The following ADPRHL1 variants were observed in gnomAD, a reference collection of about 807,000 sequenced individuals.
ADPRHL1 encodes inactive ADP-ribosyltransferase ARH2.
In ADPRHL1, 43 loss-of-function variants were observed where a neutral mutation model predicts 44.1. The ratio of observed to expected loss-of-function variants is 0.98; its 90% CI spans 0.76 to 1.26. The LOEUF (loss-of-function observed/expected upper bound fraction) is 1.26. Among genes scored for constraint, ADPRHL1 ranks in the 50% most tolerant of loss-of-function variants. The pLI, the probability that ADPRHL1 is intolerant of heterozygous loss-of-function variation, is 0.00. For missense variants in ADPRHL1, 2,022 were observed against 2,496.9 expected (o/e 0.81, Z 4.05); for synonymous variants, 878 against 1,017.4 (o/e 0.86, Z 2.61).
chr13:113,453,064 G>A lies in ADPRHL1; in HGVS notation c.214+160C>T, dbSNP rs1045626720. Among the ~76,000 whole-genome samples the A allele has an allele frequency of 3.3e-5, 5 of 152,124 alleles. No homozygotes were observed. The highest frequency in any genetic ancestry group is 1.2e-4 in the African/African-American group (5 of 41,414). On this transcript the variant is annotated intron_variant, in intron 1 of 7. Transcript: ENST00000612156. The surrounding 1 kb of genome is among the most constrained non-coding windows in gnomAD (Gnocchi z 5.4). ...TGATCTGCCGCATATCAAATTTGAGGGACACTCAGATTAAATTGCCACTTT... is the reference window on the plus strand; with the variant it reads ...TGATCTGCCGCATATCAAATTTGAGAGACACTCAGATTAAATTGCCACTTT...
intron 1 of ADPRHL1, among the ~76,000 whole-genome samples, chr13:113,452,390 T>C (rs139079558): frequency 3.1e-4 from 47 of 152,344 alleles, no homozygotes; most frequent in African/African-American, 1.1e-3. Flanking sequence ...GGCACGTCCA[T>C]GGCAGATGAA....
At chr13:113,437,504 G>A (rs934289102) in intron 2 of ADPRHL1, among the ~76,000 whole-genome samples, 7 of 152,220 alleles carry the variant, frequency 4.6e-5, no homozygotes, top group African/African-American at 1.7e-4. Context: ...CCACTGCTGC[G>A]ACCGTGCGTG....
chr13:113,408,085 G>A lies in ADPRHL1; in HGVS notation c.1197C>T (p.Arg399=), dbSNP rs969405629. Residue 399 remains arginine, a synonymous_variant, in exon 8 of 8, where the codon CGC becomes CGT. Coordinates refer to ENST00000612156, the MANE Select transcript of ADPRHL1 (RefSeq NM_001394807.1). ...CCTCTGTCCCCGGGGGCCGGTCTGC[G>A]CGGCCCGTGACGTAGAGCAGCAGGC... ...LSSLLLYVTG[R]ADRPPGTEAG... is the part of the protein sequence containing the mutation. 1.1e-5 allele frequency: 13 copies of A among 1,231,932 alleles called. No individual in the cohort carries two copies. In the East Asian group the frequency reaches 1.3e-4, roughly 12 times the overall value. The allele number at this position is 1,231,932 out of a possible 1,614,324, so 76.3% of individuals were successfully genotyped here. A position where few individuals can be genotyped will look rare whatever the true frequency, so the allele number is the denominator to read the frequency against.
At chr13:113,422,410 C>A (rs1173054827) in intron 7 of ADPRHL1, 1 of 178,160 alleles carries the variant, frequency 5.6e-6, no homozygotes, top group Non-Finnish European at 1.2e-5. Flanking sequence ...GAAACGCATG[C>A]CTGGAGGCAG....
At chr13:113,417,416 G>A (rs1566469550) in intron 7 of ADPRHL1, among the ~76,000 whole-genome samples, 2 of 152,252 alleles carry the variant, frequency 1.3e-5, no homozygotes, top group African/African-American at 4.8e-5. Context: ...CCTGGGGACC[G>A]CCCCTGTGGC....
chr13:113,428,300 A>G (rs1175194789), intron 4 of ADPRHL1, among the ~76,000 whole-genome samples: 1 of 152,098 alleles, frequency 6.6e-6, no homozygotes, highest in Admixed American at 6.5e-5. Context: ...AAAAATAAGC[A>G]AACCTGATCC....
rs1473233951 is a variant in ADPRHL1, at chr13:113,405,496, T to C, written c.3786A>G (p.Gly1262=). ...GNLLGFSTES[G]IPASDHPRPQ... ...GCCTAGGATGATCAGAAGCAGGAAT[T>C]CCAGACTCTGTGCTGAAACCCAAAA... The change falls in exon 8 of 8, where the codon GGA becomes GGG. Residue 1262 remains glycine (G), a synonymous_variant. Transcript: ENST00000612156. 1.6e-6 allele frequency: 2 copies of C among 1,231,982 alleles called. No homozygotes were observed. The highest frequency in any genetic ancestry group is 6.3e-5 in the East Asian group (2 of 31,706). The allele number at this position is 1,231,982 out of a possible 1,614,324, so 76.3% of individuals were successfully genotyped here. A position where few individuals can be genotyped will look rare whatever the true frequency, so the allele number is the denominator to read the frequency against.
chr13:113,429,126 ACCTGGGCCGCTTGGGAGGG>A (rs758943911), intron 3 of ADPRHL1, 34 bp from the exon 4 acceptor site: 2 of 1,586,732 alleles, frequency 1.3e-6, no homozygotes, highest in African/African-American at 2.7e-5. Flanking sequence ...GGGCACCATC[ACCTGGGCCGCTTGGGAGGG>A]CCTGGGGCCG....
chr13:113,427,615 C>T (rs1416439085), intron 4 of ADPRHL1, among the ~76,000 whole-genome samples: 1 of 151,834 alleles, frequency 6.6e-6, no homozygotes, highest in African/African-American at 2.4e-5. Context: ...CACACTGCAA[C>T]CTCCGCTTAG....
chr13:113,411,344 C>T (rs1243508169), intron 7 of ADPRHL1, among the ~76,000 whole-genome samples: 4 of 151,978 alleles, frequency 2.6e-5, no homozygotes, highest in African/African-American at 7.3e-5. Context: ...AGCCCCTTGT[C>T]GAGGCTGAGC....
chr13:113,447,488 C>T (rs1269380113), intron 1 of ADPRHL1, among the ~76,000 whole-genome samples: 2 of 151,102 alleles, frequency 1.3e-5, no homozygotes, highest in Admixed American at 1.3e-4. Context: ...GTTGTGTGTG[C>T]ATGGTGTCTA....
chr13:113,418,882 A>G (rs1246132523), intron 7 of ADPRHL1, among the ~76,000 whole-genome samples: 1 of 151,580 alleles, frequency 6.6e-6, no homozygotes, highest in Non-Finnish European at 1.5e-5. Flanking sequence ...AGAGATGCGG[A>G]TCCACAGGGA....
At position 113,402,713 on chromosome 13, in the gene ADPRHL1, G is replaced by T. The variant is rs1018649; in HGVS notation, c.*665C>A. ...GAACTTAACGTGGGCATTTCCTGAGGCCTCTTCCTCCGGATGAGCTGGTTT... is the reference window on the plus strand; with the variant it reads ...GAACTTAACGTGGGCATTTCCTGAGTCCTCTTCCTCCGGATGAGCTGGTTT... On this transcript the variant is annotated 3_prime_UTR_variant, in exon 8 of 8. Coordinates refer to ENST00000612156, the MANE Select transcript of ADPRHL1 (RefSeq NM_001394807.1). The T allele has an allele frequency of 0.23, 35,777 of 152,320 alleles. 4,736 individuals carry two copies. The highest frequency in any genetic ancestry group is 0.35 in the African/African-American group (14,310 of 41,466). 9.4% of individuals were successfully genotyped at this position (152,320 alleles called of 1,614,324 possible).
intron 4 of ADPRHL1, among the ~76,000 whole-genome samples, chr13:113,425,900 C>T (rs747849648): frequency 1.3e-4 from 20 of 151,996 alleles, no homozygotes; most frequent in Non-Finnish European, 1.8e-4. Flanking sequence ...GGGCTGGTCT[C>T]GAATTCCTGA....
At chr13:113,411,753 C>T (rs976679858) in intron 7 of ADPRHL1, among the ~76,000 whole-genome samples, 2 of 152,222 alleles carry the variant, frequency 1.3e-5, no homozygotes, top group African/African-American at 4.8e-5. Flanking sequence ...CTGTGGCTGT[C>T]GGAGGCGTCC....
At chr13:113,419,280 ATTTTT>A (rs33995150) in intron 7 of ADPRHL1, among the ~76,000 whole-genome samples, 5 of 106,508 alleles carry the variant, frequency 4.7e-5, no homozygotes, top group South Asian at 3.0e-4. Context: ...TAATTTTTGT[ATTTTT>A]TTTTTTTTTT....
rs78042477 is a variant in ADPRHL1 at position 113,419,554 on chromosome 13, G to A, written c.1061+3272C>T. On this transcript the variant is annotated intron_variant, in intron 7 of 7. Transcript: ENST00000612156. ...GAATCCTAGAATGAAATACAGCATC[G>A]CTGCGCTGTAGGGAGAGACTAAGTC... 6.9e-3 allele frequency among the ~76,000 whole-genome samples: 1,044 copies of A among 152,148 alleles called. 10 individuals are homozygous for A. Among genetic ancestry groups the A allele is most frequent in the African/African-American group, 0.024 (981 of 41,512 alleles).
chr13:113,436,267 CA>C, intron 2 of ADPRHL1, among the ~76,000 whole-genome samples: 1 of 146,562 alleles, frequency 6.8e-6, no homozygotes, highest in East Asian at 2.1e-4. Context: ...AGGTGTACCC[CA>C]GGACCCGGCA....
At chr13:113,448,616 C>T (rs1275996720) in intron 1 of ADPRHL1, among the ~76,000 whole-genome samples, 1 of 152,180 alleles carries the variant, frequency 6.6e-6, no homozygotes, top group Admixed American at 6.5e-5. Flanking sequence ...GTGCCACTCC[C>T]AGTTATCAGG....
Sources: gnomAD v4.1 joint callset for allele counts (sites outside exome capture counted in the v4.1 genomes callset) on GRCh38, gnomAD v4.1.1 for gene constraint, Gnocchi (gnomAD v3.1) non-coding constraint, MANE v1.5 for transcripts, NCBI Gene and HGNC (gene_info 2026-07-23, HGNC 2026-07-21) for gene names.